Variants in BOK observed in about 807,000 individuals in gnomAD.
BOK encodes bcl-2-related ovarian killer protein.
In BOK, 20 loss-of-function variants were observed where a neutral mutation model predicts 18.3. The observed-to-expected ratio is 1.09, with a 90% confidence interval of 0.77 to 1.59. BOK has a LOEUF of 1.59. Among genes scored for constraint, BOK ranks in the 40% most tolerant of loss-of-function variants. The probability of loss-of-function intolerance (pLI) is 0.00; values close to 1 mark genes in which losing one functional copy is unlikely to be tolerated. For missense variants in BOK, 348 were observed against 307.9 expected (o/e 1.13, Z -0.97); for synonymous variants, 173 against 142.4 (o/e 1.21, Z -1.53).
At position 241,559,575 on chromosome 2, in the gene BOK, C is replaced by A; in HGVS notation, c.92C>A (p.Ala31Asp). 2 of 1,523,678 alleles carry A rather than the reference C, an allele frequency of 1.3e-6. No individual in the cohort carries two copies. The highest frequency in any genetic ancestry group is 2.0e-5 in the Admixed American group (1 of 49,970). 94.4% of individuals were successfully genotyped at this position (1,523,678 alleles called of 1,614,324 possible). A position where few individuals can be genotyped will look rare whatever the true frequency, so the allele number is the denominator to read the frequency against. The change falls in exon 2 of 5, where the codon GCC (alanine) becomes GAC (aspartate). Residue 31 changes from alanine to aspartate, a missense_variant. Transcript: ENST00000318407. ...ACAGACAAGGAGCTGGTGGCCCAGG[C>A]CAAGGCGCTGGGCCGGGAGTACGTG... ...SPTDKELVAQAKALGREYVHA... is the reference protein window; with the variant it reads ...SPTDKELVAQDKALGREYVHA...
chr2:241,564,484 G>C (rs2066579773), intron 3 of BOK, among the ~76,000 whole-genome samples: 1 of 151,860 alleles, frequency 6.6e-6, no homozygotes, highest in Admixed American at 6.6e-5. Context: ...AGGCCAGGCT[G>C]AGGCGTGTCA....
chr2:241,551,553 A>C (rs2066413886), intron 1 of BOK: 1 of 152,122 alleles, frequency 6.6e-6, no homozygotes, highest in Non-Finnish European at 1.5e-5. Context: ...AAGGACTCCG[A>C]GGTTTAGAAT....
chr2:241,561,459 C>T (rs1275994574), intron 2 of BOK, among the ~76,000 whole-genome samples: 5 of 143,810 alleles, frequency 3.5e-5, no homozygotes, highest in Admixed American at 6.9e-5. Flanking sequence ...CAGGTGGGAG[C>T]GTGGCAGTGC....
intron 1 of BOK, among the ~76,000 whole-genome samples, chr2:241,552,453 C>T (rs535812664): frequency 5.1e-4 from 78 of 152,272 alleles, no homozygotes; most frequent in African/African-American, 1.8e-3. Context: ...CTCATACCAT[C>T]CACGCCCCTG....
Position 241,562,367 on chromosome 2 carries a change from C to G in BOK, c.240C>G (p.Ile80Met), listed in dbSNP as rs529643299. The change falls in exon 3 of 5, where the codon ATC becomes ATG. Residue 80 changes from isoleucine (I) to methionine (M), a missense_variant. By Grantham distance (10) the Ile-to-Met change is conservative. Transcript: ENST00000318407. This position sits in a 1 kb window ranked among gnomAD's most constrained non-coding sequence, Gnocchi z 4.5. ...LLRLGDELEM[I>M]RPSVYRNVAR... ...ACACAGGCGATGAGCTGGAGATGATCCGGCCCAGCGTCTACCGCAACGTGG... is the reference window on the plus strand; with the variant it reads ...ACACAGGCGATGAGCTGGAGATGATGCGGCCCAGCGTCTACCGCAACGTGG... 2.5e-6 allele frequency: 4 copies of G among 1,608,112 alleles called. No individual in the cohort carries two copies. The East Asian group carries it at 8.9e-5, about 36-fold the overall frequency.
intron 3 of BOK, among the ~76,000 whole-genome samples, chr2:241,569,191 C>T (rs928817516): frequency 2.6e-5 from 4 of 152,310 alleles, no homozygotes; most frequent in East Asian, 3.9e-4. Context: ...AGTGTACTGG[C>T]GCGATCTCAG....
intron 4 of BOK, among the ~76,000 whole-genome samples, chr2:241,571,564 A>G (rs189125358): frequency 6.6e-6 from 1 of 152,214 alleles, no homozygotes; most frequent in Admixed American, 6.5e-5. Flanking sequence ...GCACATGGCT[A>G]CAGGTGTCCC....
intron 1 of BOK, among the ~76,000 whole-genome samples, chr2:241,551,812 CCGCAG>C (rs1303409716): frequency 6.6e-6 from 1 of 152,292 alleles, no homozygotes; most frequent in East Asian, 1.9e-4. Context: ...GAAGGTTCGA[CCGCAG>C]CGAGGGTGGG....
chr2:241,554,180 C>G (rs2066434600), upstream of BOK, among the ~76,000 whole-genome samples: 2 of 152,202 alleles, frequency 1.3e-5, no homozygotes, highest in Admixed American at 6.5e-5. Context: ...TGCTCCCGTT[C>G]TGTGCCGTCA....
intron 3 of BOK, among the ~76,000 whole-genome samples, chr2:241,569,515 CTT>C (rs1559205250): frequency 2.0e-5 from 3 of 152,230 alleles, no homozygotes; most frequent in African/African-American, 7.2e-5. Context: ...TTTCGTGTCT[CTT>C]ATTATAATTT....
intron 2 of BOK, chr2:241,560,304 G>A (rs2066507728): frequency 1.0e-6 from 1 of 980,160 alleles, no homozygotes; most frequent in African/African-American, 1.8e-5. Flanking sequence ...CACTGTGACT[G>A]TCCAGTCCCC....
chr2:241,555,704 G>C (rs559702413), upstream of BOK, among the ~76,000 whole-genome samples: 1 of 152,134 alleles, frequency 6.6e-6, no homozygotes, highest in Non-Finnish European at 1.5e-5. Flanking sequence ...GTTCCTTACT[G>C]CTAGCAATGT....
At position 241,572,290 on chromosome 2, in the gene BOK, C is replaced by T; in HGVS notation, c.514-7C>T. On this transcript the variant is annotated splice_region_variant and splice_polypyrimidine_tract_variant and intron_variant, in intron 4 of 4. Coordinates refer to ENST00000318407, the MANE Select transcript of BOK (RefSeq NM_032515.5). ...TGCTTTCTAACGGTCTCCCTCTTCC[C>T]TCCCAGACTGATGTCCTCAAGTGTG... 2 of 1,610,820 alleles carry T rather than the reference C, an allele frequency of 1.2e-6. No individual in the cohort carries two copies. The highest frequency in any genetic ancestry group is 2.2e-5 in the East Asian group (1 of 44,854).
intron 1 of BOK, among the ~76,000 whole-genome samples, chr2:241,552,607 C>T (rs1460202775): frequency 6.6e-6 from 1 of 152,222 alleles, no homozygotes; most frequent in Admixed American, 6.5e-5. Context: ...CCGCCCCCGT[C>T]TCCTGTGTCT....
chr2:241,564,531 T>G (rs2066581006), intron 3 of BOK, among the ~76,000 whole-genome samples: 1 of 140,282 alleles, frequency 7.1e-6, no homozygotes, highest in Non-Finnish European at 1.5e-5. Context: ...TGCATATGGG[T>G]AGGGGCTGGG....
chr2:241,566,621 T>A (rs1477524046), intron 3 of BOK, among the ~76,000 whole-genome samples: 1 of 152,142 alleles, frequency 6.6e-6, no homozygotes, highest in East Asian at 1.9e-4. Context: ...CTTCCCTGCA[T>A]AAAGTTCTCG....
At chr2:241,564,570 C>T (rs1470734174) in intron 3 of BOK, among the ~76,000 whole-genome samples, 3 of 102,258 alleles carry the variant, frequency 2.9e-5, no homozygotes, top group Non-Finnish European at 4.0e-5. Flanking sequence ...GCTCAGGGGC[C>T]GGGTGGGCAG....
chr2:241,565,573 C>CG (rs2066597860), intron 3 of BOK, among the ~76,000 whole-genome samples: 1 of 86,714 alleles, frequency 1.2e-5, no homozygotes, highest in Non-Finnish European at 2.3e-5. Context: ...GCTCTGACCC[C>CG]CGGTCTTCCT....
chr2:241,572,168 G>C (rs530853985), intron 4 of BOK, 129 bp from the exon 5 acceptor site: 20 of 1,403,478 alleles, frequency 1.4e-5, no homozygotes, highest in African/African-American at 5.7e-5. Context: ...CCTCCTTCCC[G>C]AACAGTCTCC....
Sources: allele counts gnomAD v4.1 joint callset (sites outside exome capture counted in the v4.1 genomes callset), GRCh38; gene constraint gnomAD v4.1.1; non-coding constraint Gnocchi (gnomAD v3.1); transcripts MANE v1.5; gene names NCBI Gene and HGNC (gene_info 2026-07-23, HGNC 2026-07-21).